Variants in MAML3 observed in about 807,000 individuals in gnomAD.
MAML3 encodes mastermind-like protein 3.
In MAML3, 27 loss-of-function variants were observed where a neutral mutation model predicts 101.9. The ratio of observed to expected loss-of-function variants is 0.27; its 90% CI spans 0.20 to 0.37. The LOEUF (loss-of-function observed/expected upper bound fraction) is 0.37, where lower values mean the gene tolerates loss of function less well. MAML3 is among the 10% of genes least tolerant of loss of function. The pLI, the probability that MAML3 is intolerant of heterozygous loss-of-function variation, is 1.00. For missense variants in MAML3, 1,316 were observed against 1,444.9 expected, an observed-to-expected ratio of 0.91 and a Z score of 1.45; for synonymous variants, 501 against 555.9, an observed-to-expected ratio of 0.90 and a Z score of 1.39.
intron 2 of MAML3, among the ~76,000 whole-genome samples, chr4:139,739,638 A>C (rs972327578): frequency 6.6e-6 from 1 of 150,554 alleles, no homozygotes; most frequent in Non-Finnish European, 1.5e-5. Context: ...CATAGGAAAA[A>C]GCTTACCATA....
intron 2 of MAML3, among the ~76,000 whole-genome samples, chr4:139,872,941 C>A (rs765787197): frequency 2.4e-4 from 37 of 152,070 alleles, no homozygotes; most frequent in Non-Finnish European, 3.1e-4. Context: ...ATTAGCCGGG[C>A]ATGGTGGTGG....
At chr4:140,113,115 A>G (rs1434221704) in intron 1 of MAML3, among the ~76,000 whole-genome samples, 1 of 151,840 alleles carries the variant, frequency 6.6e-6, no homozygotes, top group African/African-American at 2.4e-5. Context: ...CATCTCTACT[A>G]AAAAATAGAA....
chr4:139,815,104 G>T (rs1231303142), intron 2 of MAML3, among the ~76,000 whole-genome samples: 3 of 152,104 alleles, frequency 2.0e-5, no homozygotes, highest in African/African-American at 7.2e-5. Context: ...TAAAATTCTG[G>T]CTATGCAAAA....
chr4:140,023,557 A>G (rs1458474583), intron 1 of MAML3, among the ~76,000 whole-genome samples: 1 of 152,230 alleles, frequency 6.6e-6, no homozygotes, highest in Non-Finnish European at 1.5e-5. Flanking sequence ...ATGTGGAGGG[A>G]GGAAATTTGC....
chr4:140,127,567 T>C (rs1362618612), intron 1 of MAML3, among the ~76,000 whole-genome samples: 2 of 152,200 alleles, frequency 1.3e-5, no homozygotes, highest in East Asian at 3.8e-4. Flanking sequence ...CCTAGAGTCA[T>C]GCTCTACTTT....
At chr4:140,082,332 T>C (rs535840889) in intron 1 of MAML3, among the ~76,000 whole-genome samples, 1 of 152,336 alleles carries the variant, frequency 6.6e-6, no homozygotes, top group Non-Finnish European at 1.5e-5. Flanking sequence ...TCGTTTTCCT[T>C]TCATTTTTCA....
intron 2 of MAML3, among the ~76,000 whole-genome samples, chr4:139,783,802 C>G (rs4073209): frequency 0.79 from 120,525 of 152,210 alleles, 48,222 homozygotes; most frequent in African/African-American, 0.85. Flanking sequence ...CCAGGACCCT[C>G]CCAGTCAGCG....
chr4:140,092,041 A>T (rs376650875), intron 1 of MAML3, among the ~76,000 whole-genome samples: 4 of 145,700 alleles, frequency 2.7e-5, no homozygotes, highest in African/African-American at 7.7e-5. Flanking sequence ...TAGCTTATAG[A>T]TCATTTTTGA....
At chr4:139,975,772 C>A (rs925761646) in intron 1 of MAML3, among the ~76,000 whole-genome samples, 2 of 152,054 alleles carry the variant, frequency 1.3e-5, no homozygotes, top group Non-Finnish European at 2.9e-5. Context: ...AGTGGAGGGC[C>A]TAGAGGTTAT....
rs567251767 is a variant in MAML3 at position 140,116,048 on chromosome 4, AT to A, written c.468+36811del. Among the ~76,000 whole-genome samples the A allele has an allele frequency of 1.5e-3, 221 of 152,238 alleles. 2 individuals are homozygous for A. The highest frequency in any genetic ancestry group is 0.013 in the Admixed American group (197 of 15,294). On this transcript the variant is annotated intron_variant, in intron 1 of 4. Transcript: ENST00000509479. The stretch of plus-strand genomic sequence containing the variant: ...GTCCTTTAAGATCCTTTAGTTGGTA[AT>A]TTTATTTGCAATTATTTCATTGTTT...
chr4:140,093,218 G>A (rs1007492622), intron 1 of MAML3, among the ~76,000 whole-genome samples: 1 of 152,028 alleles, frequency 6.6e-6, no homozygotes, highest in Non-Finnish European at 1.5e-5. Context: ...ATTATAGACT[G>A]GTGATACATT....
At chr4:139,828,161 A>G (rs1731096409) in intron 2 of MAML3, among the ~76,000 whole-genome samples, 1 of 152,224 alleles carries the variant, frequency 6.6e-6, no homozygotes, top group Non-Finnish European at 1.5e-5. Flanking sequence ...ATTAACATTT[A>G]GAAAAAAAAC....
At chr4:139,775,093 T>TA (rs1486236970) in intron 2 of MAML3, among the ~76,000 whole-genome samples, 1 of 152,052 alleles carries the variant, frequency 6.6e-6, no homozygotes, top group Non-Finnish European at 1.5e-5. Context: ...AATGCAAGGG[T>TA]ACTTGGGCTT....
At chr4:139,791,230 C>T (rs920158840) in intron 2 of MAML3, among the ~76,000 whole-genome samples, 13 of 152,234 alleles carry the variant, frequency 8.5e-5, no homozygotes, top group Non-Finnish European at 1.6e-4. Flanking sequence ...GGTATGGTGG[C>T]TTACGCCTGT....
At chr4:140,016,236 A>G (rs1229051484) in intron 1 of MAML3, among the ~76,000 whole-genome samples, 1 of 152,198 alleles carries the variant, frequency 6.6e-6, no homozygotes, top group Non-Finnish European at 1.5e-5. Flanking sequence ...CAAAACAAAT[A>G]CAGGACTTAT....
intron 1 of MAML3, among the ~76,000 whole-genome samples, chr4:139,907,035 G>A (rs1199749250): frequency 6.6e-6 from 1 of 152,236 alleles, no homozygotes; most frequent in African/African-American, 2.4e-5. Context: ...AAGCAAGGCA[G>A]TGTAATAGAT....
At chr4:140,052,696 G>A (rs935215802) in intron 1 of MAML3, among the ~76,000 whole-genome samples, 1 of 151,802 alleles carries the variant, frequency 6.6e-6, no homozygotes, top group African/African-American at 2.4e-5. Context: ...CACCATACCC[G>A]GCTAATTTTT....
chr4:139,720,544 C>T (rs1728193453), intron 4 of MAML3, among the ~76,000 whole-genome samples: 2 of 152,154 alleles, frequency 1.3e-5, no homozygotes, highest in Non-Finnish European at 2.9e-5. Context: ...AAATTAAAGT[C>T]ACCTGAAATC....
At chr4:140,073,849 C>T (rs574684477) in intron 1 of MAML3, among the ~76,000 whole-genome samples, 33 of 151,902 alleles carry the variant, frequency 2.2e-4, no homozygotes, top group East Asian at 5.8e-4. Flanking sequence ...AAAGAGGACA[C>T]GTGGCCAGGT....
Sources: allele counts gnomAD v4.1 joint callset (sites outside exome capture counted in the v4.1 genomes callset), GRCh38; gene constraint gnomAD v4.1.1; transcripts MANE v1.5; gene names NCBI Gene and HGNC (gene_info 2026-07-23, HGNC 2026-07-21).